BACH2: variants seen among roughly 807,000 people sequenced by gnomAD.
BACH2 encodes the protein BACH transcriptional regulator 2.
Under a neutral mutation model 61.8 loss-of-function variants are expected in BACH2, and 5 were observed. The ratio of observed to expected loss-of-function variants is 0.08; its 90% CI spans 0.04 to 0.17. The LOEUF (loss-of-function observed/expected upper bound fraction) is 0.17. Among genes scored for constraint, BACH2 ranks in the 10% least tolerant of loss-of-function variants. BACH2 has a pLI of 1.00. For missense variants in BACH2, 824 were observed against 1,091.1 expected (o/e 0.76, Z 3.45); for synonymous variants, 446 against 440.1 (o/e 1.01, Z -0.17).
chr6:90,111,854 A>G (rs545811726), intron 4 of BACH2, among the ~76,000 whole-genome samples: 2 of 152,336 alleles, frequency 1.3e-5, no homozygotes, highest in East Asian at 3.9e-4. Context: ...TATCCTTACC[A>G]TCTAAGACAA....
intron 4 of BACH2, among the ~76,000 whole-genome samples, chr6:90,179,325 A>T (rs1768080169): frequency 6.6e-6 from 1 of 152,234 alleles, no homozygotes; most frequent in African/African-American, 2.4e-5. Context: ...GACATTACAA[A>T]TATCAAAGAA....
chr6:90,173,190 A>G (rs1767875978), intron 4 of BACH2, among the ~76,000 whole-genome samples: 1 of 152,124 alleles, frequency 6.6e-6, no homozygotes, highest in South Asian at 2.1e-4. Flanking sequence ...AAGCAGGACA[A>G]ATAGCAAAAA....
At chr6:90,238,267 C>T (rs754087714) in intron 3 of BACH2, among the ~76,000 whole-genome samples, 3 of 152,128 alleles carry the variant, frequency 2.0e-5, no homozygotes, top group Non-Finnish European at 4.4e-5. Flanking sequence ...TTAATGAACT[C>T]CCTGAAACTC....
intron 4 of BACH2, among the ~76,000 whole-genome samples, chr6:90,140,105 C>T (rs1784413877): frequency 6.6e-6 from 1 of 152,176 alleles, no homozygotes; most frequent in Non-Finnish European, 1.5e-5. Flanking sequence ...AGCCATCACA[C>T]TCATGTTCCA....
chr6:90,046,002 A>G (rs12111364), intron 5 of BACH2, among the ~76,000 whole-genome samples: 15,298 of 152,024 alleles, frequency 0.1, 2,502 homozygotes, highest in African/African-American at 0.35. Context: ...CTCCACTATG[A>G]TCAAAGATAT....
rs1276446827 is a variant in BACH2 at position 89,931,753 on chromosome 6, A to C, written c.*655T>G. On this transcript the variant is annotated 3_prime_UTR_variant, in exon 9 of 9. Transcript: ENST00000257749. ...AAGCTTCCAACACTGAATTTTGTCC[A>C]TAAATAAGTACGAATTGAAAATTGA... The C allele has an allele frequency of 6.6e-6, 1 of 152,646 alleles. No individual in the cohort carries two copies. Among genetic ancestry groups the C allele is most frequent in the Non-Finnish European group, 1.5e-5 (1 of 68,030 alleles). The allele number at this position is 152,646 out of a possible 1,614,324, so 9.5% of individuals were successfully genotyped here.
chr6:89,995,808 T>G (rs376931853), intron 6 of BACH2, among the ~76,000 whole-genome samples: 1 of 152,116 alleles, frequency 6.6e-6, no homozygotes, highest in South Asian at 2.1e-4. Flanking sequence ...TAAGTAAGAG[T>G]TGATGCTCGC....
chr6:90,263,031 AT>A (rs1771214265), intron 2 of BACH2, among the ~76,000 whole-genome samples: 1 of 152,256 alleles, frequency 6.6e-6, no homozygotes, highest in African/African-American at 2.4e-5. Context: ...TAAATTTGAT[AT>A]GTAAAATTGG....
At chr6:90,134,156 A>G (rs2127824478) in intron 4 of BACH2, among the ~76,000 whole-genome samples, 1 of 152,242 alleles carries the variant, frequency 6.6e-6, no homozygotes, top group South Asian at 2.1e-4. Flanking sequence ...AGTCCCACCA[A>G]CAGTGTAAAA....
intron 6 of BACH2, among the ~76,000 whole-genome samples, chr6:89,998,239 CCAGT>C (rs2127777297): frequency 6.6e-6 from 1 of 152,186 alleles, no homozygotes; most frequent in African/African-American, 2.4e-5. Context: ...CTCTTTGCTG[CCAGT>C]CAGTCAAAAA....
At chr6:90,265,606 T>C (rs1343653505) in intron 2 of BACH2, among the ~76,000 whole-genome samples, 2 of 152,184 alleles carry the variant, frequency 1.3e-5, no homozygotes, top group Non-Finnish European at 2.9e-5. Context: ...TATACCCAGG[T>C]GAAATCTTTA....
At chr6:90,272,735 C>T (rs1389295717) in intron 1 of BACH2, among the ~76,000 whole-genome samples, 1 of 152,122 alleles carries the variant, frequency 6.6e-6, no homozygotes, top group Non-Finnish European at 1.5e-5. Flanking sequence ...TACATCTCAC[C>T]TCTATCTTTT....
At chr6:90,074,645 C>T (rs1439433892) in intron 5 of BACH2, among the ~76,000 whole-genome samples, 1 of 152,152 alleles carries the variant, frequency 6.6e-6, no homozygotes, top group Non-Finnish European at 1.5e-5. Context: ...TCGAGATATG[C>T]TTTCCTTGGA....
chr6:89,993,129 A>G (rs1167396633), intron 6 of BACH2, among the ~76,000 whole-genome samples: 1 of 152,188 alleles, frequency 6.6e-6, no homozygotes, highest in Non-Finnish European at 1.5e-5. Flanking sequence ...TTGATCTTGG[A>G]CTTCTGGCCT....
chr6:90,209,058 TG>T (rs1319649958), intron 3 of BACH2, among the ~76,000 whole-genome samples: 1 of 6,302 alleles, frequency 1.6e-4, no homozygotes, highest in African/African-American at 7.6e-4. Flanking sequence ...TGTCGGGGGG[TG>T]GGGGGCTGGG....
At chr6:90,164,066 G>C (rs1473242422) in intron 4 of BACH2, among the ~76,000 whole-genome samples, 2 of 152,164 alleles carry the variant, frequency 1.3e-5, no homozygotes, top group Non-Finnish European at 2.9e-5. Context: ...ACTAAGATCA[G>C]AGCAGAACTG....
intron 5 of BACH2, among the ~76,000 whole-genome samples, chr6:90,079,059 C>T (rs1325226456): frequency 6.6e-6 from 1 of 152,182 alleles, no homozygotes; most frequent in Non-Finnish European, 1.5e-5. Flanking sequence ...GGGACAGCAC[C>T]ATCAATGGGA....
intron 4 of BACH2, among the ~76,000 whole-genome samples, chr6:90,098,972 A>G (rs1226275705): frequency 6.6e-6 from 1 of 152,122 alleles, no homozygotes; most frequent in African/African-American, 2.4e-5. Context: ...TCAATTGGCA[A>G]TCTTGGATCC....
chr6:89,928,058 AAC>A lies in BACH2; in HGVS notation c.*4348_*4349del, dbSNP rs1562297460. On this transcript the variant is annotated 3_prime_UTR_variant, in exon 9 of 9. Transcript: ENST00000257749. ...CTGACTCACCAGAAATTGCACTTCC[AAC>A]ACAGTCTTCAGTTTGGGGAAGAAAC... The A allele has an allele frequency of 6.6e-6, 1 of 152,508 alleles. No homozygotes were observed. The highest frequency in any genetic ancestry group is 2.4e-5 in the African/African-American group (1 of 41,586). The allele number at this position is 152,508 out of a possible 1,614,324, so 9.4% of individuals were successfully genotyped here.
Sources: allele counts gnomAD v4.1 joint callset (sites outside exome capture counted in the v4.1 genomes callset), GRCh38; gene constraint gnomAD v4.1.1; transcripts MANE v1.5; gene names NCBI Gene and HGNC (gene_info 2026-07-23, HGNC 2026-07-21).